CHEK1: variants seen among roughly 807,000 people sequenced by gnomAD.
CHEK1 encodes serine/threonine-protein kinase Chk1.
In CHEK1, 32 loss-of-function variants were observed where a neutral mutation model predicts 60.2. The observed-to-expected ratio is 0.53, with a 90% CI of 0.40 to 0.71. CHEK1 has a LOEUF of 0.71. CHEK1 is among the 30% of genes least tolerant of loss of function. The probability of loss-of-function intolerance (pLI) is 0.00; values close to 1 mark genes in which losing one functional copy is unlikely to be tolerated. For synonymous variants in CHEK1, 179 were observed against 187.2 expected (o/e 0.96, Z 0.36); for missense variants, 399 against 564.6 (o/e 0.71, Z 2.97).
chr11:125,677,846 G>T (rs78284286), downstream of CHEK1: 22 of 1,613,982 alleles, frequency 1.4e-5, no homozygotes, highest in South Asian at 2.1e-4. Context: ...CCCCTGAAGC[G>T]TGCTCACCTG....
At chr11:125,628,981 T>C (rs976797789) in intron 3 of CHEK1, among the ~76,000 whole-genome samples, 1 of 152,200 alleles carries the variant, frequency 6.6e-6, no homozygotes, top group Non-Finnish European at 1.5e-5. Context: ...GGCTTTGAAG[T>C]CATGGCTTGC....
chr11:125,636,704 T>C (rs116852744), intron 7 of CHEK1, among the ~76,000 whole-genome samples: 3,897 of 151,802 alleles, frequency 0.026, 83 homozygotes, highest in Middle Eastern at 0.044. Flanking sequence ...ATATTGTTTT[T>C]CTTACCACTT....
At chr11:125,673,240 T>C (rs111850698) in intron 13 of CHEK1, among the ~76,000 whole-genome samples, 16 of 150,230 alleles carry the variant, frequency 1.1e-4, no homozygotes, top group African/African-American at 3.9e-4. Flanking sequence ...AATCTCGCTC[T>C]GTTGCCCAGG....
rs199913564 is a variant in CHEK1, at chr11:125,627,574, A to G, written c.66-33A>G. 9.2e-4 allele frequency: 1,412 copies of G among 1,538,788 alleles called. 3 individuals are homozygous for G. Among genetic ancestry groups the G allele is most frequent in the Non-Finnish European group, 1.0e-3 (1,187 of 1,132,380 alleles). ...CTTTGGAAGTTTTAGAAGAAATGGA[A>G]TTCTGTAATGTTAAAACTCTTTTCC... On this transcript the variant is annotated intron_variant, in intron 2 of 12. Transcript: ENST00000438015.
intron 3 of CHEK1, among the ~76,000 whole-genome samples, chr11:125,628,425 T>TA (rs1228952809): frequency 2.0e-5 from 3 of 152,158 alleles, no homozygotes; most frequent in African/African-American, 7.2e-5. Flanking sequence ...GCTATTGTAT[T>TA]AAATAAGTTT....
chr11:125,677,495 T>A (rs180902669), downstream of CHEK1, among the ~76,000 whole-genome samples: 4 of 152,290 alleles, frequency 2.6e-5, no homozygotes, highest in South Asian at 6.2e-4. Flanking sequence ...ATGATCCCCT[T>A]CTAGGGAAGT....
intron 13 of CHEK1, among the ~76,000 whole-genome samples, chr11:125,675,749 TAC>T (rs1381206554): frequency 1.3e-5 from 2 of 152,130 alleles, no homozygotes; most frequent in Non-Finnish European, 2.9e-5. Flanking sequence ...AGCTATAGCT[TAC>T]AGTCAATGTC....
chr11:125,677,472 A>G (rs918010988), downstream of CHEK1, among the ~76,000 whole-genome samples: 3 of 152,124 alleles, frequency 2.0e-5, no homozygotes, highest in African/African-American at 7.2e-5. Context: ...AGTCTTCAGA[A>G]CTCTGCACTT....
chr11:125,678,978 T>TTATTTATATATATATA (rs1555078665), downstream of CHEK1, among the ~76,000 whole-genome samples: 1 of 88,436 alleles, frequency 1.1e-5, no homozygotes, highest in Non-Finnish European at 2.2e-5. Context: ...TCTAGGCATA[T>TTATTTATATATATATA]TATATATATA....
At chr11:125,676,258 T>C (rs545729610), downstream of CHEK1, 89 of 1,420,736 alleles carry the variant, frequency 6.3e-5, no homozygotes. Flanking sequence ...ATCTTCAAGT[T>C]CCTTGATTCT....
chr11:125,658,685 CTTTTTTT>C (rs67342073), downstream of CHEK1, among the ~76,000 whole-genome samples: 6 of 34,880 alleles, frequency 1.7e-4, no homozygotes, highest in African/African-American at 6.6e-4. Flanking sequence ...ATGGCTTTTG[CTTTTTTT>C]TTTTTTTTTT....
At chr11:125,659,007 A>C (rs1941967298), downstream of CHEK1, among the ~76,000 whole-genome samples, 1 of 152,028 alleles carries the variant, frequency 6.6e-6, no homozygotes, top group African/African-American at 2.4e-5. Context: ...TGGCTGATTT[A>C]GGTCTATAAT....
chr11:125,641,784 G>C (rs1283449395), intron 8 of CHEK1, among the ~76,000 whole-genome samples: 6 of 143,426 alleles, frequency 4.2e-5, no homozygotes, highest in Non-Finnish European at 7.6e-5. Flanking sequence ...CTTAGAATCT[G>C]ATTACCTTTT....
At chr11:125,650,500 A>G (rs1216125743) in intron 11 of CHEK1, among the ~76,000 whole-genome samples, 2 of 134,592 alleles carry the variant, frequency 1.5e-5, no homozygotes, top group South Asian at 2.4e-4. Flanking sequence ...CTTGTTGCCC[A>G]GGCTGGAGTG....
chr11:125,651,629 G>A (rs1460274475), intron 11 of CHEK1, among the ~76,000 whole-genome samples: 1 of 151,958 alleles, frequency 6.6e-6, no homozygotes, highest in South Asian at 2.1e-4. Flanking sequence ...GGGTCAGATC[G>A]GCTTAAGATA....
downstream of CHEK1, among the ~76,000 whole-genome samples, chr11:125,679,232 T>TTTTTTTTTTTTTTTTTTTTTTTTAA (rs1591440209): frequency 6.7e-6 from 1 of 148,604 alleles, no homozygotes; most frequent in African/African-American, 2.5e-5. Flanking sequence ...TTTTTTTTGT[T>TTTTTTTTTTTTTTTTTTTTTTTTAA]TCAAAGATAG....
chr11:125,661,067 C>T (rs547124111), downstream of CHEK1, among the ~76,000 whole-genome samples: 4 of 152,218 alleles, frequency 2.6e-5, no homozygotes, highest in African/African-American at 9.6e-5. Flanking sequence ...TGAGCCACTG[C>T]GCCTGGCCTG....
chr11:125,654,475 A>G lies in CHEK1; in HGVS notation c.1335+628A>G, dbSNP rs187773366. On this transcript the variant is annotated intron_variant, in intron 12 of 12. Coordinates refer to ENST00000438015, the MANE Select transcript of CHEK1 (RefSeq NM_001114122.3). ...TAATTTATGTCTTTTAATAAAAATTATGATTTGTTACAAATATTTCATTAT... is the reference window on the plus strand; with the variant it reads ...TAATTTATGTCTTTTAATAAAAATTGTGATTTGTTACAAATATTTCATTAT... Among the ~76,000 whole-genome samples the G allele has an allele frequency of 4.8e-3, 732 of 152,300 alleles. 6 individuals are homozygous for G. Among genetic ancestry groups the G allele is most frequent in the Non-Finnish European group, 7.7e-3 (525 of 68,014 alleles).
At chr11:125,639,822 T>C (rs1358129149) in intron 8 of CHEK1, among the ~76,000 whole-genome samples, 1 of 152,164 alleles carries the variant, frequency 6.6e-6, no homozygotes, top group African/African-American at 2.4e-5. Context: ...TGTATTCTCT[T>C]TCATCCTGTA....
Sources: gnomAD v4.1 joint callset for allele counts (sites outside exome capture counted in the v4.1 genomes callset) on GRCh38, gnomAD v4.1.1 for gene constraint, MANE v1.5 for transcripts, NCBI Gene and HGNC (gene_info 2026-07-23, HGNC 2026-07-21) for gene names.